WSCD2: variants seen among roughly 807,000 people sequenced by gnomAD.
WSCD2 encodes the protein sialate:O-sulfotransferase 2.
Under a neutral mutation model 55.7 loss-of-function variants are expected in WSCD2, and 28 were observed. That is an observed-to-expected ratio of 0.50 (90% CI 0.37 to 0.69). The LOEUF is 0.69. Among genes scored for constraint, WSCD2 ranks in the 30% least tolerant of loss-of-function variants. The probability of loss-of-function intolerance (pLI) is 0.00; values close to 1 mark genes in which losing one functional copy is unlikely to be tolerated. For synonymous variants in WSCD2, 301 were observed against 301.9 expected (o/e 1.00, Z 0.03); for missense variants, 616 against 762.1 (o/e 0.81, Z 2.26).
At chr12:108,224,006 A>G (rs1745594044) in intron 4 of WSCD2, among the ~76,000 whole-genome samples, 1 of 152,182 alleles carries the variant, frequency 6.6e-6, no homozygotes, top group Non-Finnish European at 1.5e-5. Context: ...CACACCTTCA[A>G]TGAAACATTT....
intron 2 of WSCD2, chr12:108,196,466 A>G (rs897258073): frequency 4.0e-6 from 2 of 506,180 alleles, no homozygotes; most frequent in Non-Finnish European, 3.4e-6. Context: ...CACATCTATC[A>G]GAGGTCAAAG....
At chr12:108,216,195 C>T (rs1886812270) in intron 4 of WSCD2, among the ~76,000 whole-genome samples, 2 of 152,202 alleles carry the variant, frequency 1.3e-5, no homozygotes, top group East Asian at 3.8e-4. Flanking sequence ...TGCTCCCTAC[C>T]AGCTGTGTGA....
At chr12:108,242,862 C>T (rs56682503) in intron 8 of WSCD2, among the ~76,000 whole-genome samples, 23,980 of 152,178 alleles carry the variant, frequency 0.16, 2,219 homozygotes, top group East Asian at 0.39. Flanking sequence ...ACAGGCTGAA[C>T]GGAGAGGCTG....
At chr12:108,215,336 G>A (rs1398931232) in intron 4 of WSCD2, among the ~76,000 whole-genome samples, 3 of 152,252 alleles carry the variant, frequency 2.0e-5, no homozygotes, top group Admixed American at 1.3e-4. Flanking sequence ...CAAGCCACTC[G>A]TTCTTTCTAG....
chr12:108,167,609 G>A (rs1377454328), intron 1 of WSCD2: 1 of 152,188 alleles, frequency 6.6e-6, no homozygotes, highest in Non-Finnish European at 1.5e-5. Flanking sequence ...CTCAAACAAA[G>A]CTCATGAGAT....
At chr12:108,130,595 C>T (rs147701777) in intron 1 of WSCD2, among the ~76,000 whole-genome samples, 7 of 151,996 alleles carry the variant, frequency 4.6e-5, no homozygotes, top group African/African-American at 1.2e-4. Context: ...TTCCAGCAGC[C>T]CCAGGTATCT....
At chr12:108,155,829 C>T (rs1878451764) in intron 1 of WSCD2, among the ~76,000 whole-genome samples, 1 of 152,194 alleles carries the variant, frequency 6.6e-6, no homozygotes, top group South Asian at 2.1e-4. Flanking sequence ...ATCATTCTGC[C>T]TCCCATATTG....
intron 2 of WSCD2, among the ~76,000 whole-genome samples, chr12:108,202,285 C>T (rs1884791341): frequency 6.6e-6 from 1 of 152,182 alleles, no homozygotes; most frequent in African/African-American, 2.4e-5. Context: ...ATATCCTGAT[C>T]CATGGAGCTC....
At chr12:108,226,816 G>A (rs1208021385) in intron 5 of WSCD2, among the ~76,000 whole-genome samples, 174 bp from the exon 6 acceptor site, 1 of 152,226 alleles carries the variant, frequency 6.6e-6, no homozygotes, top group Non-Finnish European at 1.5e-5. Context: ...AGGTGCACAG[G>A]TAGGGCAAAA....
At chr12:108,206,257 C>G (rs933815017) in intron 2 of WSCD2, 32 bp from the exon 3 acceptor site, 5 of 1,594,722 alleles carry the variant, frequency 3.1e-6, no homozygotes, top group Non-Finnish European at 4.3e-6. Context: ...GCTTTGTCCC[C>G]AGCCACCTTT....
intron 1 of WSCD2, among the ~76,000 whole-genome samples, chr12:108,173,643 C>T (rs1451555248): frequency 6.6e-6 from 1 of 152,118 alleles, no homozygotes; most frequent in Non-Finnish European, 1.5e-5. Flanking sequence ...GAATGAGGCT[C>T]TGCTGTTTCC....
At chr12:108,132,903 T>C (rs1486004053) in intron 1 of WSCD2, among the ~76,000 whole-genome samples, 1 of 151,896 alleles carries the variant, frequency 6.6e-6, no homozygotes, top group Non-Finnish European at 1.5e-5. Flanking sequence ...TCTATGTGCA[T>C]ATGTGTGTGT....
At chr12:108,234,948 T>C (rs1437436278) in intron 7 of WSCD2, among the ~76,000 whole-genome samples, 1 of 152,172 alleles carries the variant, frequency 6.6e-6, no homozygotes, top group Non-Finnish European at 1.5e-5. Context: ...CTTAATCTAG[T>C]AGTGACGCCT....
chr12:108,225,230 G>A (rs921929341), intron 5 of WSCD2, among the ~76,000 whole-genome samples: 1 of 152,204 alleles, frequency 6.6e-6, no homozygotes, highest in Non-Finnish European at 1.5e-5. Context: ...CTCAATCATG[G>A]TGGAAGGCAA....
chr12:108,209,890 G>A (rs1364685636), intron 3 of WSCD2, among the ~76,000 whole-genome samples: 3 of 151,770 alleles, frequency 2.0e-5, no homozygotes, highest in African/African-American at 2.4e-5. Flanking sequence ...CCTGTCTCCC[G>A]AAGGCCCCCA....
chr12:108,200,951 A>G (rs1245639827), intron 2 of WSCD2, among the ~76,000 whole-genome samples: 1 of 152,202 alleles, frequency 6.6e-6, no homozygotes, highest in East Asian at 1.9e-4. Context: ...ACCACCTTCC[A>G]GTGTTTCAGA....
chr12:108,168,149 T>G (rs1879851170), intron 1 of WSCD2, among the ~76,000 whole-genome samples: 1 of 152,190 alleles, frequency 6.6e-6, no homozygotes, highest in Non-Finnish European at 1.5e-5. Context: ...GGGGCAACAT[T>G]GACTCGGCAC....
At chr12:108,181,704 G>A (rs1384187432) in intron 1 of WSCD2, among the ~76,000 whole-genome samples, 1 of 152,212 alleles carries the variant, frequency 6.6e-6, no homozygotes, top group African/African-American at 2.4e-5. Context: ...AAATTCCTGG[G>A]CTTAAGCCTT....
intron 8 of WSCD2, among the ~76,000 whole-genome samples, chr12:108,243,306 C>T (rs559033504): frequency 1.3e-5 from 2 of 151,784 alleles, no homozygotes; most frequent in South Asian, 2.1e-4. Context: ...GGTGTGATCT[C>T]GGCTCACTGC....
Sources: allele counts gnomAD v4.1 joint callset (sites outside exome capture counted in the v4.1 genomes callset), GRCh38; gene constraint gnomAD v4.1.1; transcripts MANE v1.5; gene names NCBI Gene and HGNC (gene_info 2026-07-23, HGNC 2026-07-21).